Variants in TLL2 observed in about 807,000 individuals in gnomAD.
TLL2 encodes tolloid like 2.
Under a neutral mutation model 123.0 loss-of-function variants are expected in TLL2, and 106 were observed. The ratio of observed to expected loss-of-function variants is 0.86; its 90% CI spans 0.74 to 1.01. The LOEUF (loss-of-function observed/expected upper bound fraction) is 1.01, where lower values mean the gene tolerates loss of function less well. TLL2 is among the 50% of genes least tolerant of loss of function. TLL2 has a pLI of 0.00. For synonymous variants in TLL2, 494 were observed against 516.8 expected (o/e 0.96, Z 0.60); for missense variants, 1,332 against 1,336.7 (o/e 1.00, Z 0.06).
intron 1 of TLL2, among the ~76,000 whole-genome samples, chr10:96,488,667 T>C (rs1252022175): frequency 6.6e-6 from 1 of 152,188 alleles, no homozygotes; most frequent in Admixed American, 6.5e-5. Context: ...AGGTCCAGAA[T>C]GTCAGCTGGA....
intron 2 of TLL2, among the ~76,000 whole-genome samples, chr10:96,470,014 C>A (rs1847163889): frequency 6.6e-6 from 1 of 152,024 alleles, no homozygotes; most frequent in Non-Finnish European, 1.5e-5. Context: ...CTGGACACCC[C>A]CAAAGGTCTG....
At chr10:96,505,678 C>T (rs1305219569) in intron 1 of TLL2, among the ~76,000 whole-genome samples, 1 of 152,226 alleles carries the variant, frequency 6.6e-6, no homozygotes, top group Admixed American at 6.5e-5. Flanking sequence ...CTAGCACCTG[C>T]TGCTTTGCCC....
At chr10:96,447,158 G>A (rs1212378880) in intron 2 of TLL2, among the ~76,000 whole-genome samples, 1 of 152,000 alleles carries the variant, frequency 6.6e-6, no homozygotes, top group Admixed American at 6.5e-5. Flanking sequence ...TCCTCCGCAG[G>A]GGAAGGATCC....
At chr10:96,406,236 C>T (rs1846448144) in intron 9 of TLL2, among the ~76,000 whole-genome samples, 1 of 152,102 alleles carries the variant, frequency 6.6e-6, no homozygotes, top group Non-Finnish European at 1.5e-5. Context: ...GCAGATGGCC[C>T]AGAGCAGAGT....
rs1846635679 is a variant in TLL2, at chr10:96,422,602, G to A, written c.764C>T (p.Thr255Ile). ...GHVVGFWHEH[T>I]RPDRDQHVTI... ...GACATGTTGGTCTCTGTCTGGCCGG[G>A]TGTGTTCATGCCAAAACCCAACCAC... Residue 255 changes from threonine to isoleucine, a missense_variant, in exon 6 of 21, where the codon ACC (threonine) becomes ATC (isoleucine). Physicochemically the swap from Thr to Ile is moderately conservative, Grantham distance 89. Transcript: ENST00000357947. 6 of 1,614,194 alleles carry A rather than the reference G, an allele frequency of 3.7e-6. No homozygotes were observed. The East Asian group carries it at 1.1e-4, about 30-fold the overall frequency.
At chr10:96,408,187 A>T (rs1434279464) in intron 9 of TLL2, among the ~76,000 whole-genome samples, 1 of 152,216 alleles carries the variant, frequency 6.6e-6, no homozygotes. Flanking sequence ...TTGCTTTTTT[A>T]AAATTACAGA....
At chr10:96,460,442 G>A (rs1399319921) in intron 2 of TLL2, among the ~76,000 whole-genome samples, 1 of 152,134 alleles carries the variant, frequency 6.6e-6, no homozygotes, top group African/African-American at 2.4e-5. Context: ...TGCCTGATAT[G>A]GTTTGGCTTT....
At chr10:96,429,662 C>T (rs956274501) in intron 4 of TLL2, among the ~76,000 whole-genome samples, 7 of 152,342 alleles carry the variant, frequency 4.6e-5, no homozygotes, top group East Asian at 1.9e-4. Context: ...CACTGCACTT[C>T]GCCCCCTCAT....
intron 3 of TLL2, among the ~76,000 whole-genome samples, chr10:96,433,920 C>T (rs550870756): frequency 3.9e-5 from 6 of 152,150 alleles, no homozygotes; most frequent in Admixed American, 1.3e-4. Context: ...GTATAACAGG[C>T]GGAAGCCATC....
At chr10:96,413,472 C>T (rs1460511047) in intron 7 of TLL2, among the ~76,000 whole-genome samples, 156 bp from the exon 8 acceptor site, 2 of 152,206 alleles carry the variant, frequency 1.3e-5, no homozygotes, top group Non-Finnish European at 2.9e-5. Context: ...AGGTTTCCTT[C>T]GCTCATGCTA....
intron 7 of TLL2, among the ~76,000 whole-genome samples, chr10:96,419,352 A>C (rs1462581444): frequency 2.0e-5 from 3 of 152,192 alleles, no homozygotes; most frequent in Non-Finnish European, 4.4e-5. Context: ...CAAGGAAACC[A>C]AGGCCTGTGG....
intron 7 of TLL2, among the ~76,000 whole-genome samples, chr10:96,417,878 A>G (rs980703757): frequency 1.3e-5 from 2 of 152,226 alleles, no homozygotes; most frequent in African/African-American, 4.8e-5. Context: ...AAGCCTGACT[A>G]ACTAACCCAC....
At chr10:96,477,422 C>T (rs1189762534) in intron 2 of TLL2, among the ~76,000 whole-genome samples, 1 of 150,990 alleles carries the variant, frequency 6.6e-6, no homozygotes, top group Non-Finnish European at 1.5e-5. Context: ...TGATCTTGCT[C>T]ACTGCAGCCT....
chr10:96,478,133 C>T (rs1051863346), intron 2 of TLL2, among the ~76,000 whole-genome samples: 2 of 152,244 alleles, frequency 1.3e-5, no homozygotes, highest in Non-Finnish European at 2.9e-5. Flanking sequence ...CAACACAACC[C>T]TCTAGCAGCC....
At chr10:96,405,615 T>C (rs1846442327) in intron 9 of TLL2, among the ~76,000 whole-genome samples, 1 of 152,142 alleles carries the variant, frequency 6.6e-6, no homozygotes, top group South Asian at 2.1e-4. Flanking sequence ...GAAAGCGAGA[T>C]GCATTAAAAA....
chr10:96,374,970 G>C (rs868690459), intron 18 of TLL2, among the ~76,000 whole-genome samples: 9 of 145,070 alleles, frequency 6.2e-5, no homozygotes, highest in South Asian at 2.3e-4. Context: ...GCGGGGGGGG[G>C]GGGGGGGTGT....
In TLL2 at chr10:96,395,326, C is replaced by T. The variant is rs151335014; in HGVS notation, c.1587G>A (p.Thr529=). 6.4e-5 allele frequency: 104 copies of T among 1,613,170 alleles called. No individual in the cohort carries two copies. Among genetic ancestry groups the T allele is most frequent in the Non-Finnish European group, 8.1e-5 (96 of 1,179,772 alleles). ...YDYLEVRDGP[T]EESALIGHFC... is the part of the protein sequence containing the mutation. ...AGTGGCCGATCAGGGCACTCTCTTC[C>T]GTGGGGCCATCCCGGACTTCCAGGT... The change falls in exon 13 of 21, where the codon ACG becomes ACA. Residue 529 remains threonine, a synonymous_variant. Transcript: ENST00000357947.
intron 15 of TLL2, 152 bp downstream of exon 15, chr10:96,385,903 C>A: frequency 2.7e-6 from 2 of 740,622 alleles, no homozygotes; most frequent in Non-Finnish European, 3.8e-6. Context: ...CTGGAGAAAA[C>A]ATTCCCCCAG....
At chr10:96,380,689 T>G (rs1262057741) in intron 16 of TLL2, among the ~76,000 whole-genome samples, 2 of 36,956 alleles carry the variant, frequency 5.4e-5, no homozygotes, top group African/African-American at 1.3e-4. Flanking sequence ...CGAGACTCTA[T>G]CTCAAAAAAA....
Sources: allele counts gnomAD v4.1 joint callset (sites outside exome capture counted in the v4.1 genomes callset), GRCh38; gene constraint gnomAD v4.1.1; transcripts MANE v1.5; gene names NCBI Gene and HGNC (gene_info 2026-07-23, HGNC 2026-07-21).